Variants in DPY19L3 observed in about 807,000 individuals in gnomAD.
The protein encoded by DPY19L3 is protein C-mannosyl-transferase DPY19L3.
Under a neutral mutation model 92.3 loss-of-function variants are expected in DPY19L3, and 51 were observed. That is an observed-to-expected ratio of 0.55 (90% CI 0.44 to 0.70). The LOEUF (loss-of-function observed/expected upper bound fraction) is 0.70, where lower values mean the gene tolerates loss of function less well. Among genes scored for constraint, DPY19L3 ranks in the 30% least tolerant of loss-of-function variants. The probability of loss-of-function intolerance (pLI) is 0.00; values close to 1 mark genes in which losing one functional copy is unlikely to be tolerated. For missense variants in DPY19L3, 706 were observed against 855.9 expected (o/e 0.82, Z 2.18); for synonymous variants, 309 against 315.2 (o/e 0.98, Z 0.21).
At chr19:32,477,064 G>A (rs929118029) in intron 16 of DPY19L3, among the ~76,000 whole-genome samples, 2 of 152,072 alleles carry the variant, frequency 1.3e-5, no homozygotes, top group African/African-American at 2.4e-5. Flanking sequence ...CAAAGCAGTG[G>A]CAGTCTTTTA....
intron 18 of DPY19L3, 156 bp downstream of exon 18, chr19:32,480,713 T>A (rs925450479): frequency 2.5e-5 from 27 of 1,071,082 alleles, no homozygotes; most frequent in Non-Finnish European, 3.3e-5. Flanking sequence ...AGAAGCCCTC[T>A]CTTGGCACTT....
chr19:32,424,876 GGATAGAC>G (rs1968704793), intron 3 of DPY19L3, among the ~76,000 whole-genome samples: 1 of 152,146 alleles, frequency 6.6e-6, no homozygotes, highest in Non-Finnish European at 1.5e-5. Context: ...GCTGGCATAA[GGATAGAC>G]ATATAAATCA....
At chr19:32,458,290 T>C (rs1969930365) in intron 11 of DPY19L3, 61 bp from the exon 12 acceptor site, 1 of 1,588,402 alleles carries the variant, frequency 6.3e-7, no homozygotes, top group African/African-American at 1.4e-5. Context: ...TGAGGAAAGA[T>C]GCAATGTCAT....
chr19:32,435,782 TTAATTAGCC>T (rs1208411934), intron 4 of DPY19L3, among the ~76,000 whole-genome samples: 1 of 152,218 alleles, frequency 6.6e-6, no homozygotes, highest in Non-Finnish European at 1.5e-5. Flanking sequence ...ATGCCTTGGA[TTAATTAGCC>T]TGGTTACAGT....
chr19:32,456,160 C>G (rs1568349357), intron 10 of DPY19L3, among the ~76,000 whole-genome samples: 1 of 143,174 alleles, frequency 7.0e-6, no homozygotes, highest in African/African-American at 2.6e-5. Context: ...ACTGCAGCCT[C>G]GATCTCCTGG....
At chr19:32,471,424 G>A (rs1214817829) in intron 16 of DPY19L3, among the ~76,000 whole-genome samples, 2 of 152,200 alleles carry the variant, frequency 1.3e-5, no homozygotes, top group South Asian at 2.1e-4. Flanking sequence ...GCCTCCATTA[G>A]GGGAGGGATG....
At chr19:32,451,141 C>G (rs112979903) in intron 8 of DPY19L3, among the ~76,000 whole-genome samples, 5,222 of 152,208 alleles carry the variant, frequency 0.034, 129 homozygotes, top group Non-Finnish European at 0.057. Flanking sequence ...GCCAGAAACA[C>G]CTAAATGGTC....
intron 9 of DPY19L3, among the ~76,000 whole-genome samples, chr19:32,453,482 T>C (rs893999952): frequency 6.6e-6 from 1 of 152,234 alleles, no homozygotes; most frequent in African/African-American, 2.4e-5. Context: ...TTGACAGTTA[T>C]TTCTTAGAGA....
At chr19:32,422,210 T>C (rs1035658667) in intron 3 of DPY19L3, among the ~76,000 whole-genome samples, 7 of 152,116 alleles carry the variant, frequency 4.6e-5, no homozygotes, top group African/African-American at 1.2e-4. Context: ...CCAGAATAAT[T>C]TTACAGTGGA....
At chr19:32,448,308 A>C (rs969388848) in intron 8 of DPY19L3, among the ~76,000 whole-genome samples, 2 of 152,188 alleles carry the variant, frequency 1.3e-5, no homozygotes, top group Non-Finnish European at 2.9e-5. Context: ...GGTGATGAGG[A>C]GCATGGACAC....
intron 3 of DPY19L3, chr19:32,413,328 A>T (rs1385866323): frequency 2.6e-5 from 4 of 152,208 alleles, no homozygotes; most frequent in African/African-American, 9.6e-5. Flanking sequence ...TTGATGACAA[A>T]TCTAATTTAT....
At chr19:32,480,684 T>A (rs759646903) in intron 18 of DPY19L3, 127 bp downstream of exon 18, 3 of 1,284,770 alleles carry the variant, frequency 2.3e-6, no homozygotes, top group Non-Finnish European at 2.1e-6. Flanking sequence ...AAGTATTTGC[T>A]TTTTCTCTTG....
intron 1 of DPY19L3, among the ~76,000 whole-genome samples, chr19:32,407,579 T>C (rs188018412): frequency 8.5e-5 from 13 of 152,316 alleles, no homozygotes; most frequent in Non-Finnish European, 1.8e-4. Flanking sequence ...GCGTGGTAAC[T>C]GCTATGGCTC....
chr19:32,466,221 G>A (rs1412119521), intron 15 of DPY19L3, among the ~76,000 whole-genome samples: 1 of 152,164 alleles, frequency 6.6e-6, no homozygotes, highest in African/African-American at 2.4e-5. Context: ...CTGTCCTAGG[G>A]AGCATTGATT....
At chr19:32,441,492 CTCTTT>C (rs1203802061) in intron 8 of DPY19L3, among the ~76,000 whole-genome samples, 2 of 102,026 alleles carry the variant, frequency 2.0e-5, no homozygotes. Context: ...GAACATGTGT[CTCTTT>C]TTTTTTTTTT....
intron 3 of DPY19L3, among the ~76,000 whole-genome samples, chr19:32,421,747 G>C (rs1236529136): frequency 6.6e-6 from 1 of 152,102 alleles, no homozygotes; most frequent in African/African-American, 2.4e-5. Context: ...ACAGCACCCT[G>C]AGTAGGACCA....
intron 8 of DPY19L3, among the ~76,000 whole-genome samples, chr19:32,451,144 A>G (rs1969686669): frequency 6.6e-6 from 1 of 152,258 alleles, no homozygotes; most frequent in Non-Finnish European, 1.5e-5. Flanking sequence ...AGAAACACCT[A>G]AATGGTCCAG....
chr19:32,426,663 G>C (rs574209714), intron 3 of DPY19L3, among the ~76,000 whole-genome samples: 1 of 152,170 alleles, frequency 6.6e-6, no homozygotes. Flanking sequence ...TCAGTTCACC[G>C]TCTTACATGG....
At chr19:32,475,504 A>G (rs1970479702) in intron 16 of DPY19L3, among the ~76,000 whole-genome samples, 1 of 152,252 alleles carries the variant, frequency 6.6e-6, no homozygotes, top group Non-Finnish European at 1.5e-5. Flanking sequence ...GGAATGGCTC[A>G]TGCCAGTTGA....
Sources: allele counts gnomAD v4.1 joint callset (sites outside exome capture counted in the v4.1 genomes callset), GRCh38; gene constraint gnomAD v4.1.1; transcripts MANE v1.5; gene names NCBI Gene and HGNC (gene_info 2026-07-23, HGNC 2026-07-21).